Variants in CFAP61 observed in about 807,000 individuals in gnomAD.
The protein encoded by CFAP61 is cilia and flagella associated protein 61.
Under a neutral mutation model 135.6 loss-of-function variants are expected in CFAP61, and 107 were observed. The ratio of observed to expected loss-of-function variants is 0.79; its 90% CI spans 0.67 to 0.93. The LOEUF (loss-of-function observed/expected upper bound fraction) is 0.93. Among genes scored for constraint, CFAP61 ranks in the 40% least tolerant of loss-of-function variants. CFAP61 has a pLI of 0.00. For missense variants in CFAP61, 1,507 were observed against 1,556.2 expected (o/e 0.97, Z 0.53); for synonymous variants, 575 against 578.5 (o/e 0.99, Z 0.09).
In CFAP61 at chr20:20,076,347, AG is replaced by A. The variant is rs2046049282; in HGVS notation, c.566+736del. ...AGTCTGGAGAAGCCACATGTTCGCA[AG>A]GGGAGGGGTGGTTGACAGCCCCAGC... On this transcript the variant is annotated intron_variant, in intron 6 of 26. Transcript: ENST00000245957. Among the ~76,000 whole-genome samples, 7 of 152,270 alleles carry A rather than the reference AG, an allele frequency of 4.6e-5. No homozygotes were observed. In the South Asian group the frequency reaches 1.5e-3, roughly 32 times the overall value.
intron 25 of CFAP61, among the ~76,000 whole-genome samples, chr20:20,327,261 G>T (rs927200498): frequency 2.6e-5 from 4 of 151,658 alleles, no homozygotes; most frequent in Non-Finnish European, 5.9e-5. Context: ...TTATTTTATT[G>T]AATTGCCTGG....
Position 20,288,821 on chromosome 20 carries a change from C to G in CFAP61, c.3009C>G (p.Gly1003=). 6.2e-7 allele frequency: 1 copy of G among 1,614,164 alleles called. No individual in the cohort carries two copies. Among genetic ancestry groups the G allele is most frequent in the Non-Finnish European group, 8.5e-7 (1 of 1,180,012 alleles). ...GCAACTTCAGTTCCAAAGAAATTGGCTTTCAGCTGGCAGCAGCTATGCTAC... is the reference window on the plus strand; with the variant it reads ...GCAACTTCAGTTCCAAAGAAATTGGGTTTCAGCTGGCAGCAGCTATGCTAC... The part of the protein sequence containing the change: ...THSNFSSKEI[G]FQLAAAMLHL... The change falls in exon 23 of 27, where the codon GGC becomes GGG. Residue 1003 remains glycine, a synonymous_variant. Transcript: ENST00000245957.
chr20:20,296,067 T>C (rs1265319991), intron 24 of CFAP61, among the ~76,000 whole-genome samples: 1 of 20,222 alleles, frequency 4.9e-5, no homozygotes, highest in African/African-American at 2.3e-4. Flanking sequence ...TTCCTTCCCT[T>C]CCTTCCCTCC....
intron 26 of CFAP61, among the ~76,000 whole-genome samples, chr20:20,343,226 A>G (rs554911653): frequency 6.6e-6 from 1 of 152,322 alleles, no homozygotes; most frequent in East Asian, 1.9e-4. Context: ...CTCACCCCAA[A>G]GCTGGGAACA....
chr20:20,166,981 C>T (rs567726347), intron 12 of CFAP61, among the ~76,000 whole-genome samples: 4 of 152,280 alleles, frequency 2.6e-5, no homozygotes, highest in African/African-American at 9.6e-5. Context: ...GGGCTTCTGC[C>T]TACATTCTTG....
chr20:20,141,587 T>G (rs2051408822), intron 8 of CFAP61, among the ~76,000 whole-genome samples: 1 of 152,244 alleles, frequency 6.6e-6, no homozygotes, highest in Non-Finnish European at 1.5e-5. Flanking sequence ...TTCAACATTA[T>G]GTACCTCTTC....
chr20:20,204,144 G>A (rs550156640), intron 17 of CFAP61, among the ~76,000 whole-genome samples: 29 of 152,222 alleles, frequency 1.9e-4, no homozygotes, highest in African/African-American at 4.3e-4. Flanking sequence ...GAATTGTAGC[G>A]TGAACTCACC....
intron 25 of CFAP61, among the ~76,000 whole-genome samples, chr20:20,320,189 T>C (rs896354172): frequency 6.7e-6 from 1 of 149,976 alleles, no homozygotes; most frequent in Non-Finnish European, 1.5e-5. Flanking sequence ...ATTTGGATCC[T>C]GATTCAGATA....
At chr20:20,336,001 G>A (rs1478537541) in intron 25 of CFAP61, among the ~76,000 whole-genome samples, 2 of 152,124 alleles carry the variant, frequency 1.3e-5, no homozygotes, top group African/African-American at 4.8e-5. Context: ...CTGTAAAATG[G>A]GCCAGCATGT....
intron 22 of CFAP61, among the ~76,000 whole-genome samples, chr20:20,284,432 G>C: frequency 6.6e-6 from 1 of 151,786 alleles, no homozygotes; most frequent in Non-Finnish European, 1.5e-5. Flanking sequence ...ACTACAGGCG[G>C]CTGCCACCAC....
chr20:20,141,143 A>G (rs575918164), intron 8 of CFAP61, among the ~76,000 whole-genome samples: 2 of 151,462 alleles, frequency 1.3e-5, no homozygotes, highest in South Asian at 4.2e-4. Context: ...CTGGTCTTGA[A>G]CTCCTGACCT....
At chr20:20,064,524 A>G (rs1161810538) in intron 2 of CFAP61, among the ~76,000 whole-genome samples, 2 of 152,198 alleles carry the variant, frequency 1.3e-5, no homozygotes, top group African/African-American at 4.8e-5. Context: ...ACTCATGGGC[A>G]GCAGCATCTA....
At chr20:20,327,945 C>G (rs1373453141) in intron 25 of CFAP61, among the ~76,000 whole-genome samples, 1 of 152,090 alleles carries the variant, frequency 6.6e-6, no homozygotes, top group African/African-American at 2.4e-5. Flanking sequence ...ACTCATCTGC[C>G]CCGGGTGAGC....
At chr20:20,084,393 G>A (rs566681713) in intron 6 of CFAP61, among the ~76,000 whole-genome samples, 65 of 149,868 alleles carry the variant, frequency 4.3e-4, no homozygotes, top group African/African-American at 7.6e-4. Flanking sequence ...TTCTGGATGC[G>A]GAGGTGGCCT....
intron 25 of CFAP61, among the ~76,000 whole-genome samples, chr20:20,307,663 T>C (rs1326272016): frequency 6.6e-6 from 1 of 152,218 alleles, no homozygotes; most frequent in African/African-American, 2.4e-5. Context: ...ATCTTATTTT[T>C]AAAATTGTAT....
chr20:20,293,846 C>T (rs2055187224), intron 24 of CFAP61, among the ~76,000 whole-genome samples: 1 of 152,152 alleles, frequency 6.6e-6, no homozygotes, highest in Non-Finnish European at 1.5e-5. Context: ...GCCTTGGATA[C>T]CATCAAATTT....
chr20:20,248,908 CCTT>C (rs1400069484), intron 19 of CFAP61, among the ~76,000 whole-genome samples: 2 of 152,148 alleles, frequency 1.3e-5, no homozygotes, highest in African/African-American at 2.4e-5. Flanking sequence ...TTTTTCTCCT[CCTT>C]ATTATCTGTC....
intron 6 of CFAP61, among the ~76,000 whole-genome samples, chr20:20,087,641 G>C (rs2046900099): frequency 6.6e-6 from 1 of 152,166 alleles, no homozygotes; most frequent in Non-Finnish European, 1.5e-5. Flanking sequence ...TCCACCCACT[G>C]ACTGTAGAAA....
chr20:20,158,675 T>C (rs1400952104), intron 9 of CFAP61, among the ~76,000 whole-genome samples: 4 of 152,146 alleles, frequency 2.6e-5, no homozygotes, highest in African/African-American at 7.2e-5. Context: ...TTCAGTAATA[T>C]AAAATTACAG....
Sources: allele counts gnomAD v4.1 joint callset (sites outside exome capture counted in the v4.1 genomes callset), GRCh38; gene constraint gnomAD v4.1.1; transcripts MANE v1.5; gene names NCBI Gene and HGNC (gene_info 2026-07-23, HGNC 2026-07-21).